Variants in CHM observed in about 807,000 individuals in gnomAD.
The protein encoded by CHM is CHM Rab escort protein, also known as rab proteins geranylgeranyltransferase component A 1.
CHM carries 10 observed loss-of-function variants against 49.0 expected under a neutral mutation model. That is an observed-to-expected ratio of 0.20 (90% confidence interval 0.13 to 0.35). The LOEUF is 0.35. Ranked by LOEUF, CHM falls within the 10% of genes least tolerant of loss-of-function variation. CHM has a pLI of 1.00. For missense variants in CHM, 455 were observed against 478.4 expected, an observed-to-expected ratio of 0.95 and a Z score of 0.46; for synonymous variants, 184 against 167.5, an observed-to-expected ratio of 1.10 and a Z score of -0.76.
intron 1 of CHM, among the ~76,000 whole-genome samples, chrX:86,031,836 G>A (rs973471919): frequency 1.8e-5 from 2 of 109,238 alleles, no homozygotes; most frequent in Non-Finnish European, 1.9e-5. Context: ...GAAAAACTCC[G>A]TCTCAAAAAA....
At chrX:86,047,319 T>A in intron 1 of CHM, 165 bp downstream of exon 1, 1 of 519,685 alleles carries the variant, frequency 1.9e-6, no homozygotes, top group Non-Finnish European at 3.5e-6. Context: ...AGCCCCTCCC[T>A]GTAACTGCCA....
chrX:85,925,446 T>A (rs776080753), intron 8 of CHM, among the ~76,000 whole-genome samples: 35 of 111,624 alleles, frequency 3.1e-4, no homozygotes, highest in Non-Finnish European at 3.8e-4. Flanking sequence ...ATTTGCCCCA[T>A]CTTTATTATC....
chrX:85,999,536 G>C (rs1390847706), intron 2 of CHM, among the ~76,000 whole-genome samples: 1 of 111,685 alleles, frequency 9.0e-6, no homozygotes, highest in African/African-American at 3.2e-5. Context: ...TCATGTAAAT[G>C]AACAATTATT....
intron 11 of CHM, among the ~76,000 whole-genome samples, chrX:85,897,081 A>G (rs1271105042): frequency 2.3e-5 from 2 of 86,710 alleles, no homozygotes; most frequent in African/African-American, 1.0e-4. Flanking sequence ...TATATTAATT[A>G]CATAATATAT....
intron 13 of CHM, among the ~76,000 whole-genome samples, chrX:85,877,197 T>C (rs763124538): frequency 9.0e-6 from 1 of 111,720 alleles, no homozygotes; most frequent in Non-Finnish European, 1.9e-5. Flanking sequence ...AAATTAAAAC[T>C]AAAATAATTT....
intron 8 of CHM, among the ~76,000 whole-genome samples, chrX:85,955,623 A>C (rs929757855): frequency 5.3e-5 from 6 of 112,342 alleles, no homozygotes; most frequent in African/African-American, 1.9e-4. Flanking sequence ...TACGGCTAAA[A>C]GGTTATAATT....
chrX:85,940,913 C>A (rs963751470), intron 8 of CHM, among the ~76,000 whole-genome samples: 1 of 110,839 alleles, frequency 9.0e-6, no homozygotes, highest in African/African-American at 3.3e-5. Flanking sequence ...GCATTCATAC[C>A]TCTACTGAAA....
chrX:85,908,925 T>A (rs1285326720), intron 9 of CHM, among the ~76,000 whole-genome samples: 1 of 112,007 alleles, frequency 8.9e-6, no homozygotes, highest in Non-Finnish European at 1.9e-5. Flanking sequence ...TTTAAGATAA[T>A]TTATTTCTAA....
chrX:85,995,260 T>TAAAA (rs55742394), intron 2 of CHM, among the ~76,000 whole-genome samples: 1,297 of 46,779 alleles, frequency 0.028, 96 homozygotes, highest in African/African-American at 0.11. Flanking sequence ...CCTTATTACT[T>TAAAA]AAAAAAAAAA....
chrX:86,012,105 C>T (rs1465703446), intron 2 of CHM, among the ~76,000 whole-genome samples: 1 of 111,587 alleles, frequency 9.0e-6, no homozygotes, highest in African/African-American at 3.3e-5. Flanking sequence ...AGTGATGAGG[C>T]AAAAGGAAAT....
chrX:85,884,744 G>C, intron 12 of CHM, among the ~76,000 whole-genome samples: 1 of 110,923 alleles, frequency 9.0e-6, no homozygotes, highest in African/African-American at 3.3e-5. Context: ...AGTGAACTCT[G>C]AGGTAGTTTT....
At chrX:86,040,107 G>A (rs141808551) in intron 1 of CHM, among the ~76,000 whole-genome samples, 201 of 112,283 alleles carry the variant, frequency 1.8e-3, no homozygotes, top group African/African-American at 6.2e-3. Flanking sequence ...GAAGGCAGCC[G>A]ATTAACACAA....
At chrX:85,897,407 A>G (rs925561982) in intron 11 of CHM, among the ~76,000 whole-genome samples, 17 of 100,535 alleles carry the variant, frequency 1.7e-4, no homozygotes, top group African/African-American at 5.9e-4. Context: ...TACAGGAGAG[A>G]GAGCAGGCAA....
intron 2 of CHM, 91 bp downstream of exon 2, chrX:86,027,400 A>C: frequency 1.4e-6 from 1 of 707,349 alleles, no homozygotes; most frequent in Non-Finnish European, 2.2e-6. Context: ...ACATACATGT[A>C]CATACGTACA....
chrX:85,970,437 G>C (rs1170764042), intron 4 of CHM: 2 of 751,908 alleles, frequency 2.7e-6, no homozygotes, highest in African/African-American at 4.6e-5. Flanking sequence ...TTCACTTGGT[G>C]GAACGGTTGG....
intron 8 of CHM, among the ~76,000 whole-genome samples, chrX:85,923,965 A>T (rs1431624979): frequency 9.0e-6 from 1 of 111,539 alleles, no homozygotes; most frequent in Non-Finnish European, 1.9e-5. Context: ...GAGATGGCTA[A>T]GGGAGATGGA....
intron 4 of CHM, among the ~76,000 whole-genome samples, chrX:85,965,051 A>G (rs1930504608): frequency 8.9e-6 from 1 of 111,960 alleles, no homozygotes; most frequent in South Asian, 3.7e-4. Context: ...CTGTCTCTAA[A>G]CCAAACCACC....
intron 2 of CHM, among the ~76,000 whole-genome samples, chrX:86,008,865 AC>A (rs763976121): frequency 3.6e-5 from 4 of 112,444 alleles, no homozygotes; most frequent in Non-Finnish European, 5.6e-5. Flanking sequence ...CAGTTTGCCA[AC>A]CCTTTCAGAA....
intron 14 of CHM, among the ~76,000 whole-genome samples, chrX:85,870,547 C>T (rs6623533): frequency 2.9e-4 from 32 of 111,712 alleles, no homozygotes; most frequent in African/African-American, 1.0e-3. Flanking sequence ...GAGTATGGTA[C>T]TATTTATTCT....
Sources: allele counts gnomAD v4.1 joint callset (sites outside exome capture counted in the v4.1 genomes callset), GRCh38; gene constraint gnomAD v4.1.1; transcripts MANE v1.5; gene names NCBI Gene and HGNC (gene_info 2026-07-23, HGNC 2026-07-21).